Variants in SEMA4D observed in about 807,000 individuals in gnomAD.
SEMA4D encodes the protein semaphorin-4D.
In SEMA4D, 22 loss-of-function variants were observed where a neutral mutation model predicts 74.8. The observed-to-expected ratio is 0.29, with a 90% CI of 0.21 to 0.42. The LOEUF (loss-of-function observed/expected upper bound fraction) is 0.42. Among genes scored for constraint, SEMA4D ranks in the 10% least tolerant of loss-of-function variants. The pLI, the probability that SEMA4D is intolerant of heterozygous loss-of-function variation, is 1.00. For synonymous variants in SEMA4D, 445 were observed against 463.7 expected, an observed-to-expected ratio of 0.96 and a Z score of 0.52; for missense variants, 937 against 1,118.4, an observed-to-expected ratio of 0.84 and a Z score of 2.31.
intron 3 of SEMA4D, 22 bp from the exon 4 acceptor site, chr9:89,403,038 T>C: frequency 6.3e-7 from 1 of 1,595,978 alleles, no homozygotes; most frequent in Non-Finnish European, 8.6e-7. Flanking sequence ...AAGGGCAGGG[T>C]CAGAGTGGGA....
chr9:89,490,071 T>C (rs1032875691), intron 1 of SEMA4D, among the ~76,000 whole-genome samples: 19 of 152,008 alleles, frequency 1.2e-4, no homozygotes, highest in African/African-American at 4.6e-4. Flanking sequence ...TGCGAGATGG[T>C]ATCTCACTGT....
In SEMA4D at chr9:89,414,509, C is replaced by G. The variant is rs116762354; in HGVS notation, c.-243-8810G>C. ...CCTCACCAACCATGCCCTGCCAGTACCTGGCCACCTAGTATCCCCACCCTG... is the reference window on the plus strand; with the variant it reads ...CCTCACCAACCATGCCCTGCCAGTAGCTGGCCACCTAGTATCCCCACCCTG... On this transcript the variant is annotated intron_variant, in intron 2 of 15. Transcript: ENST00000422704. Among the ~76,000 whole-genome samples, 868 of 152,310 alleles carry G rather than the reference C, an allele frequency of 5.7e-3. 15 individuals are homozygous for G. The highest frequency in any genetic ancestry group is 0.02 in the African/African-American group (831 of 41,554).
rs1839145869 is a variant in SEMA4D, at chr9:89,388,803, G to A, written c.951-11C>T. 2 of 1,605,476 alleles carry A rather than the reference G, an allele frequency of 1.2e-6. No individual in the cohort carries two copies. Among genetic ancestry groups the A allele is most frequent in the Admixed American group, 1.7e-5 (1 of 59,716 alleles). On this transcript the variant is annotated splice_polypyrimidine_tract_variant and intron_variant, in intron 10 of 15. Transcript: ENST00000422704. The stretch of plus-strand genomic sequence containing the variant: ...AGCCCCACGTTGTTCCTGGGGAGGG[G>A]AAAGAGGTGACGGGACCACCTGGCG...
At chr9:89,472,957 A>T (rs1860774344) in intron 1 of SEMA4D, among the ~76,000 whole-genome samples, 1 of 152,116 alleles carries the variant, frequency 6.6e-6, no homozygotes, top group Non-Finnish European at 1.5e-5. Flanking sequence ...TTAGCCAGGC[A>T]TGGTGGCACA....
Position 89,363,523 on chromosome 9 carries a change from C to T in SEMA4D, c.2097G>A (p.Val699=), listed in dbSNP as rs1833084727. 1.9e-6 allele frequency: 3 copies of T among 1,614,042 alleles called. No individual in the cohort carries two copies. The East Asian group carries it at 6.7e-5, about 36-fold the overall frequency. The change falls in exon 18 of 19, where the codon GTG becomes GTA. Residue 699 remains valine (V), a synonymous_variant. Coordinates refer to the SEMA4D transcript ENST00000339861. ...CTCTGGTCCACCTCTCCTGGTGGGT[C>T]ACTTCTGGAAAACAAGCAGGGTCCC...
At chr9:89,412,677 T>C (rs1014417765) in intron 2 of SEMA4D, among the ~76,000 whole-genome samples, 1 of 152,070 alleles carries the variant, frequency 6.6e-6, no homozygotes, top group Non-Finnish European at 1.5e-5. Flanking sequence ...AGACACCAGA[T>C]TCTCGATGGC....
At chr9:89,361,322 AAG>A (rs1406755015) in exon 19 of SEMA4D, 44 of 152,368 alleles carry the variant, frequency 2.9e-4, no homozygotes, top group African/African-American at 9.1e-4. Flanking sequence ...CAGCTCCAGA[AAG>A]AGGGGATGCA....
In SEMA4D at chr9:89,378,751, C is replaced by T. The variant is rs775445061; in HGVS notation, c.2542G>A (p.Val848Ile). Residue 848 changes from valine (V) to isoleucine (I), a missense_variant, in exon 16 of 16, where the codon GTC (valine) becomes ATC (isoleucine). Transcript: ENST00000422704. ...TCAGCGAACTTCAGCTCACACTTGA[C>T]GTCAAAGGGCTTGTCCCTGGCAGAA... ...DLSARDKPFD[V>I]KCELKFADSD... 32 of 1,614,056 alleles carry T rather than the reference C, an allele frequency of 2.0e-5. No homozygotes were observed. Among genetic ancestry groups the T allele is most frequent in the Non-Finnish European group, 2.2e-5 (26 of 1,180,036 alleles).
chr9:89,386,440 A>G lies in SEMA4D; in HGVS notation c.1373T>C (p.Val458Ala). The change falls in exon 13 of 16, where the codon GTT becomes GCT. Residue 458 changes from valine to alanine, a missense_variant. Coordinates refer to ENST00000422704, the MANE Select transcript of SEMA4D (RefSeq NM_001371194.2). The stretch of plus-strand genomic sequence containing the variant: ...GAGCTGGGTCTCCTCGATGATGTGA[A>G]CAGCGTGCTCGAGGCTGATGGCTTT... ...LHKAISLEHA[V>A]HIIEETQLFQ... 6.2e-7 allele frequency: 1 copy of G among 1,614,102 alleles called. No individual in the cohort carries two copies. The highest frequency in any genetic ancestry group is 2.2e-5 in the East Asian group (1 of 44,872).
rs1013049827 is a variant in SEMA4D at position 89,424,660 on chromosome 9, C to G, written c.-243-18961G>C. 2.6e-5 allele frequency among the ~76,000 whole-genome samples: 4 copies of G among 152,036 alleles called. No individual in the cohort carries two copies. The East Asian group carries it at 5.8e-4, about 22-fold the overall frequency. ...ACTGTGTCCTGCCTGGCTTTGGTCTCCTGGGCACCCTCTTCCTGCCCTCCC... is the reference window on the plus strand; with the variant it reads ...ACTGTGTCCTGCCTGGCTTTGGTCTGCTGGGCACCCTCTTCCTGCCCTCCC... On this transcript the variant is annotated intron_variant, in intron 2 of 15. Transcript: ENST00000422704.
At chr9:89,377,196 G>A (rs1835927743), downstream of SEMA4D, 1 of 1,279,726 alleles carries the variant, frequency 7.8e-7, no homozygotes, top group Non-Finnish European at 1.0e-6. Context: ...GCAGGGGCGG[G>A]AGGCTGCACA....
chr9:89,448,285 C>T (rs1853471359), intron 2 of SEMA4D, among the ~76,000 whole-genome samples: 1 of 152,188 alleles, frequency 6.6e-6, no homozygotes, highest in South Asian at 2.1e-4. Flanking sequence ...CATCTTTTTC[C>T]GCTTTATTTC....
chr9:89,458,486 C>T (rs541195203), intron 1 of SEMA4D, among the ~76,000 whole-genome samples: 112 of 151,240 alleles, frequency 7.4e-4, no homozygotes, highest in African/African-American at 2.6e-3. Context: ...CTGCCTGCCA[C>T]ACACATGCCA....
chr9:89,467,134 C>T (rs17054917), intron 1 of SEMA4D, among the ~76,000 whole-genome samples: 12,735 of 152,228 alleles, frequency 0.084, 773 homozygotes, highest in Admixed American at 0.16. Context: ...TGTCCCAGCT[C>T]GTGTATCATG....
chr9:89,428,214 T>A (rs1848506031), intron 2 of SEMA4D, among the ~76,000 whole-genome samples: 1 of 152,018 alleles, frequency 6.6e-6, no homozygotes, highest in South Asian at 2.1e-4. Flanking sequence ...TTCCCAACCA[T>A]CTCAGTGGTC....
At chr9:89,384,335 C>A (rs1462363455) in intron 13 of SEMA4D, among the ~76,000 whole-genome samples, 1 of 152,210 alleles carries the variant, frequency 6.6e-6, no homozygotes, top group East Asian at 1.9e-4. Context: ...AAAACCCTGA[C>A]CCCTGCTACA....
At chr9:89,477,698 T>G (rs2136113720) in intron 1 of SEMA4D, among the ~76,000 whole-genome samples, 1 of 152,306 alleles carries the variant, frequency 6.6e-6, no homozygotes, top group South Asian at 2.1e-4. Flanking sequence ...AGAAAAAAAT[T>G]CAGAAAGGCA....
At position 89,490,862 on chromosome 9, in the gene SEMA4D, AG is replaced by A. The variant is rs561353379; in HGVS notation, c.-310+7056del. Among the ~76,000 whole-genome samples, 12 of 152,300 alleles carry A rather than the reference AG, an allele frequency of 7.9e-5. No individual in the cohort carries two copies. The East Asian group carries it at 2.3e-3, about 29-fold the overall frequency. ...GTGAAAAGGGGCAACAGGGAAATTT[AG>A]GGGGATTCTCAGGGCCATATGGTCT... On this transcript the variant is annotated intron_variant, in intron 1 of 15. Coordinates refer to ENST00000422704, the MANE Select transcript of SEMA4D (RefSeq NM_001371194.2).
Position 89,381,274 on chromosome 9 carries a change from C to T in SEMA4D, c.1519G>A (p.Gly507Ser), listed in dbSNP as rs756268107. Residue 507 changes from glycine (G) to serine (S), a missense_variant, in exon 14 of 16, where the codon GGC (glycine) becomes AGC (serine). Gly to Ser is a moderately conservative substitution (Grantham distance 56). Coordinates refer to ENST00000422704, the MANE Select transcript of SEMA4D (RefSeq NM_001371194.2). The surrounding 1 kb of genome is among the most constrained non-coding windows in gnomAD (Gnocchi z 4.6). ...GCCAGCACACAGTCCTCGCAGGTGCCGTGCTTCCCACAGAAGGCCAGCGGG... is the reference window on the plus strand; with the variant it reads ...GCCAGCACACAGTCCTCGCAGGTGCTGTGCTTCCCACAGAAGGCCAGCGGG... ...QAPLAFCGKH[G>S]TCEDCVLARD... 24 of 1,590,144 alleles carry T rather than the reference C, an allele frequency of 1.5e-5. No homozygotes were observed. The highest frequency in any genetic ancestry group is 1.8e-5 in the Non-Finnish European group (21 of 1,165,264).
Sources: allele counts gnomAD v4.1 joint callset (sites outside exome capture counted in the v4.1 genomes callset), GRCh38; gene constraint gnomAD v4.1.1; non-coding constraint Gnocchi (gnomAD v3.1); transcripts MANE v1.5; gene names NCBI Gene and HGNC (gene_info 2026-07-23, HGNC 2026-07-21).